PPFIBP1: variants seen among roughly 807,000 people sequenced by gnomAD.
PPFIBP1 encodes the protein PPFIB scaffold protein 1.
Under a neutral mutation model 137.8 loss-of-function variants are expected in PPFIBP1, and 112 were observed. The observed-to-expected ratio is 0.81, with a 90% CI of 0.70 to 0.95. The LOEUF is 0.95. Among genes scored for constraint, PPFIBP1 ranks in the 40% least tolerant of loss-of-function variants. The probability of loss-of-function intolerance (pLI) is 0.00; values close to 1 mark genes in which losing one functional copy is unlikely to be tolerated. For missense variants in PPFIBP1, 1,083 were observed against 1,196.6 expected (o/e 0.91, Z 1.40); for synonymous variants, 378 against 417.3 (o/e 0.91, Z 1.15).
chr12:27,610,917 A>T (rs2055035041), intron 2 of PPFIBP1, among the ~76,000 whole-genome samples: 1 of 151,840 alleles, frequency 6.6e-6, no homozygotes, highest in Admixed American at 6.6e-5. Flanking sequence ...GAAGTGCCTA[A>T]ATTTTACTAG....
Position 27,680,206 on chromosome 12 carries a change from G to A in PPFIBP1, c.1895+145G>A, listed in dbSNP as rs542462991. 158 of 1,177,230 alleles carry A rather than the reference G, an allele frequency of 1.3e-4. No homozygotes were observed. In the African/African-American group the frequency reaches 1.7e-3, roughly 13 times the overall value. 72.9% of individuals were successfully genotyped at this position (1,177,230 alleles called of 1,614,324 possible). ...GAAAGGGGCCATCATCTTTAGAGCC[G>A]TGCAATTTGTCAATGGTTGATGAAC... On this transcript the variant is annotated intron_variant, in intron 21 of 29. Coordinates refer to ENST00000228425, the MANE Select transcript of PPFIBP1 (RefSeq NM_003622.4).
chr12:27,563,118 G>A (rs1035230976), intron 1 of PPFIBP1, among the ~76,000 whole-genome samples: 9 of 150,918 alleles, frequency 6.0e-5, no homozygotes, highest in African/African-American at 1.7e-4. Flanking sequence ...TAGGTGGGCC[G>A]TATGTAAATA....
chr12:27,619,882 T>C (rs1222559128), intron 2 of PPFIBP1, among the ~76,000 whole-genome samples: 1 of 152,070 alleles, frequency 6.6e-6, no homozygotes, highest in East Asian at 1.9e-4. Flanking sequence ...ATACATTTTG[T>C]ATTCAGAATA....
chr12:27,605,078 A>C (rs1268979243), intron 2 of PPFIBP1, among the ~76,000 whole-genome samples: 5 of 152,148 alleles, frequency 3.3e-5, no homozygotes, highest in Non-Finnish European at 7.4e-5. Flanking sequence ...GAGCTACAAG[A>C]TGAGATTTGG....
At chr12:27,602,234 A>G (rs1397402304) in intron 2 of PPFIBP1, among the ~76,000 whole-genome samples, 1 of 152,218 alleles carries the variant, frequency 6.6e-6, no homozygotes, top group Non-Finnish European at 1.5e-5. Context: ...ACAGGACTGA[A>G]GAGAGTCTTC....
intron 25 of PPFIBP1, 129 bp downstream of exon 25, chr12:27,687,636 T>A (rs559074246): frequency 1.8e-6 from 2 of 1,110,868 alleles, no homozygotes; most frequent in South Asian, 3.5e-5. Context: ...CATTTACTTC[T>A]TAGGCTTTTT....
intron 1 of PPFIBP1, among the ~76,000 whole-genome samples, chr12:27,553,762 G>A (rs1229885966): frequency 6.6e-6 from 1 of 152,186 alleles, no homozygotes; most frequent in African/African-American, 2.4e-5. Context: ...ATTTTTGGGT[G>A]ATCCTCTATT....
rs1943456333 is a variant in PPFIBP1 at position 27,524,261 on chromosome 12, G to C, written c.-228G>C. 2.0e-5 allele frequency: 3 copies of C among 153,740 alleles called. No individual in the cohort carries two copies. The Admixed American group carries it at 2.0e-4, about 10-fold the overall frequency. The allele number at this position is 153,740 out of a possible 1,614,324, so 9.5% of individuals were successfully genotyped here. ...GTGGGGAAAGGACGGGGAAGGACTC[G>C]TGTGCTGCGAGCTGGCGGCCGGGCC... On this transcript the variant is annotated 5_prime_UTR_variant, in exon 1 of 30. Transcript: ENST00000228425.
chr12:27,676,930 C>A, intron 18 of PPFIBP1, 134 bp from the exon 19 acceptor site: 2 of 1,097,268 alleles, frequency 1.8e-6, no homozygotes, highest in Non-Finnish European at 2.8e-6. Flanking sequence ...ACATCAGAAG[C>A]ACTGTGTGCC....
At chr12:27,687,693 A>G (rs2061283785) in intron 25 of PPFIBP1, among the ~76,000 whole-genome samples, 186 bp downstream of exon 25, 1 of 152,204 alleles carries the variant, frequency 6.6e-6, no homozygotes, top group African/African-American at 2.4e-5. Context: ...TTGTGTAACT[A>G]AAGCCAAGGG....
At chr12:27,623,064 C>T (rs1334406388) in intron 2 of PPFIBP1, among the ~76,000 whole-genome samples, 3 of 152,082 alleles carry the variant, frequency 2.0e-5, no homozygotes, top group Non-Finnish European at 4.4e-5. Context: ...CCCAGAACTG[C>T]TTATATCTAG....
At chr12:27,543,076 AGTTAG>A (rs1945839726) in intron 1 of PPFIBP1, among the ~76,000 whole-genome samples, 1 of 152,208 alleles carries the variant, frequency 6.6e-6, no homozygotes, top group Admixed American at 6.5e-5. Flanking sequence ...CCCATCTAAA[AGTTAG>A]GTTAGATTTG....
intron 24 of PPFIBP1, among the ~76,000 whole-genome samples, chr12:27,683,155 C>T (rs2060982064): frequency 1.3e-5 from 2 of 152,134 alleles, no homozygotes; most frequent in Admixed American, 1.3e-4. Context: ...CCTCTACCTC[C>T]CAGGTTCAAG....
intron 2 of PPFIBP1, among the ~76,000 whole-genome samples, chr12:27,600,504 A>G (rs2053860715): frequency 6.6e-6 from 1 of 152,024 alleles, no homozygotes; most frequent in Admixed American, 6.6e-5. Flanking sequence ...ACGCCTGTGT[A>G]CTTAAATCTC....
intron 1 of PPFIBP1, among the ~76,000 whole-genome samples, chr12:27,555,152 G>C (rs2048610946): frequency 6.6e-6 from 1 of 152,078 alleles, no homozygotes; most frequent in Admixed American, 6.5e-5. Flanking sequence ...GAAAATATTC[G>C]GGCTTTCAGC....
chr12:27,589,804 A>C (rs1207555284), intron 2 of PPFIBP1, among the ~76,000 whole-genome samples: 3 of 152,178 alleles, frequency 2.0e-5, no homozygotes, highest in African/African-American at 4.8e-5. Context: ...TGAGAGTAAG[A>C]TATGTCATCT....
chr12:27,657,975 T>A (rs2059315700), intron 9 of PPFIBP1, among the ~76,000 whole-genome samples: 1 of 151,814 alleles, frequency 6.6e-6, no homozygotes, highest in Non-Finnish European at 1.5e-5. Context: ...TTGAAATTTT[T>A]AAATTTCAAA....
chr12:27,596,590 T>A (rs568765154), intron 2 of PPFIBP1, among the ~76,000 whole-genome samples: 1 of 152,290 alleles, frequency 6.6e-6, no homozygotes, highest in East Asian at 1.9e-4. Context: ...GATGCCATCA[T>A]AACTCACTGC....
intron 25 of PPFIBP1, 108 bp downstream of exon 25, chr12:27,687,615 A>G: frequency 7.7e-7 from 1 of 1,294,676 alleles, no homozygotes; most frequent in Non-Finnish European, 1.0e-6. Context: ...AAAAGCCTTA[A>G]AATCCAGCCT....
Sources: allele counts gnomAD v4.1 joint callset (sites outside exome capture counted in the v4.1 genomes callset), GRCh38; gene constraint gnomAD v4.1.1; transcripts MANE v1.5; gene names NCBI Gene and HGNC (gene_info 2026-07-23, HGNC 2026-07-21).